WDPCP: variants seen among roughly 807,000 people sequenced by gnomAD.
The protein encoded by WDPCP is WD repeat-containing and planar cell polarity effector protein fritz homolog.
A neutral mutation model predicts 93.1 loss-of-function variants in WDPCP; 71 were observed. That is an observed-to-expected ratio of 0.76 (90% CI 0.63 to 0.93). The LOEUF (loss-of-function observed/expected upper bound fraction) is 0.93. Ranked by LOEUF, WDPCP falls within the 40% of genes least tolerant of loss-of-function variation. The probability of loss-of-function intolerance (pLI) is 0.00; values close to 1 mark genes in which losing one functional copy is unlikely to be tolerated. For missense variants in WDPCP, 844 were observed against 887.4 expected (o/e 0.95, Z 0.62); for synonymous variants, 315 against 315.0 (o/e 1.00, Z 0.00).
At chr2:63,832,140 GT>G (rs930724637), upstream of WDPCP, among the ~76,000 whole-genome samples, 16 of 152,348 alleles carry the variant, frequency 1.1e-4, no homozygotes, top group Admixed American at 3.3e-4. Flanking sequence ...TCATTAGGCA[GT>G]TTAATGAGAG....
intron 13 of WDPCP, among the ~76,000 whole-genome samples, chr2:63,280,364 T>C (rs1338427075): frequency 6.6e-6 from 1 of 152,152 alleles, no homozygotes; most frequent in Non-Finnish European, 1.5e-5. Flanking sequence ...GTGAGACTTA[T>C]TCACTATCAC....
At chr2:63,803,080 G>C (rs968285515) in intron 2 of WDPCP, among the ~76,000 whole-genome samples, 1 of 152,110 alleles carries the variant, frequency 6.6e-6, no homozygotes, top group Non-Finnish European at 1.5e-5. Context: ...ACCTCATATA[G>C]GTGATCAGAG....
intron 14 of WDPCP, among the ~76,000 whole-genome samples, chr2:63,201,059 G>A (rs936008702): frequency 6.6e-6 from 1 of 152,162 alleles, no homozygotes; most frequent in Non-Finnish European, 1.5e-5. Context: ...GAGGAGCCTG[G>A]TGGGAGGTAA....
chr2:63,240,868 T>A (rs572041335), intron 14 of WDPCP, among the ~76,000 whole-genome samples: 1 of 152,302 alleles, frequency 6.6e-6, no homozygotes, highest in East Asian at 1.9e-4. Flanking sequence ...CACTACCTTT[T>A]GCTTAGTAAC....
intron 12 of WDPCP, among the ~76,000 whole-genome samples, chr2:63,371,089 T>A (rs1691337864): frequency 6.6e-6 from 1 of 152,132 alleles, no homozygotes; most frequent in Non-Finnish European, 1.5e-5. Context: ...ACTCAACATT[T>A]CCAAAACCAA....
upstream of WDPCP, chr2:63,589,824 A>G (rs938413473): frequency 4.3e-6 from 1 of 230,998 alleles, no homozygotes; most frequent in African/African-American, 2.2e-5. Flanking sequence ...TGGCGTAGGA[A>G]TAATCTGCGT....
chr2:63,791,511 G>A (rs1025927589), intron 2 of WDPCP, among the ~76,000 whole-genome samples: 5 of 152,128 alleles, frequency 3.3e-5, no homozygotes, highest in Non-Finnish European at 7.4e-5. Flanking sequence ...CTTCTTGGAA[G>A]GTAAATGATA....
At chr2:63,482,757 T>C (rs1315720728) in intron 6 of WDPCP, among the ~76,000 whole-genome samples, 4 of 151,976 alleles carry the variant, frequency 2.6e-5, no homozygotes, top group African/African-American at 7.2e-5. Flanking sequence ...TGTTAAAATA[T>C]ACCACATCAA....
At chr2:63,186,811 G>T (rs867017698) in intron 14 of WDPCP, among the ~76,000 whole-genome samples, 2,315 of 132,494 alleles carry the variant, frequency 0.017, 63 homozygotes, top group African/African-American at 0.062. Context: ...GTGTGTGTGT[G>T]TTTTTTTTTT....
chr2:63,719,700 C>T (rs145823187), intron 2 of WDPCP, among the ~76,000 whole-genome samples: 15 of 151,270 alleles, frequency 9.9e-5, no homozygotes, highest in Non-Finnish European at 1.5e-4. Context: ...TCTTTTTGAG[C>T]GTATGAAATA....
At chr2:63,599,170 G>A (rs377153025) in intron 3 of WDPCP, 5 of 1,613,138 alleles carry the variant, frequency 3.1e-6, no homozygotes, top group African/African-American at 2.7e-5. Context: ...TTCCTCCTAG[G>A]TTATTGTTGT....
intron 2 of WDPCP, among the ~76,000 whole-genome samples, chr2:63,793,103 T>C: frequency 6.6e-6 from 1 of 151,998 alleles, no homozygotes; most frequent in Admixed American, 6.6e-5. Context: ...AGTCTTTCAG[T>C]TTGAGCTTCT....
At chr2:63,214,746 CCTT>C (rs1201135536) in intron 14 of WDPCP, among the ~76,000 whole-genome samples, 1 of 152,138 alleles carries the variant, frequency 6.6e-6, no homozygotes. Flanking sequence ...CCGAATATCT[CCTT>C]AAGCTGATAT....
At chr2:63,488,935 C>A (rs1017979734) in intron 2 of WDPCP, among the ~76,000 whole-genome samples, 1 of 151,884 alleles carries the variant, frequency 6.6e-6, no homozygotes, top group African/African-American at 2.4e-5. Context: ...AGAAAACCTG[C>A]CCTACAGTGG....
intron 1 of WDPCP, among the ~76,000 whole-genome samples, chr2:63,555,032 GCA>G (rs1705980497): frequency 1.3e-5 from 2 of 152,220 alleles, no homozygotes; most frequent in South Asian, 4.1e-4. Flanking sequence ...TTAGTCTAAC[GCA>G]CAGAGATGTG....
At chr2:63,607,458 C>A (rs553775088) in intron 3 of WDPCP, among the ~76,000 whole-genome samples, 2 of 150,590 alleles carry the variant, frequency 1.3e-5, no homozygotes, top group Admixed American at 6.6e-5. Flanking sequence ...AATAGGTTGT[C>A]CCGGGGGGCG....
At chr2:63,830,111 A>G (rs1671171391), upstream of WDPCP, among the ~76,000 whole-genome samples, 10 of 152,138 alleles carry the variant, frequency 6.6e-5, no homozygotes, top group Admixed American at 5.9e-4. Context: ...TCATCAGCCT[A>G]TCATAAATAT....
chr2:63,461,600 G>A (rs1298638528), intron 6 of WDPCP, among the ~76,000 whole-genome samples: 1 of 152,084 alleles, frequency 6.6e-6, no homozygotes, highest in Admixed American at 6.5e-5. Context: ...GTGTAGCTTG[G>A]CCAATGAGAT....
intron 3 of WDPCP, chr2:63,594,296 C>T: frequency 1.4e-6 from 1 of 692,386 alleles, no homozygotes; most frequent in Non-Finnish European, 2.7e-6. Context: ...TTTTAGCTCC[C>T]TACATGGTGA....
Sources: gnomAD v4.1 joint callset for allele counts (sites outside exome capture counted in the v4.1 genomes callset) on GRCh38, gnomAD v4.1.1 for gene constraint, MANE v1.5 for transcripts, NCBI Gene and HGNC (gene_info 2026-07-23, HGNC 2026-07-21) for gene names.